The following ROBO3 variants were observed in gnomAD, a reference collection of about 807,000 sequenced individuals.
The protein encoded by ROBO3 is roundabout homolog 3.
Under a neutral mutation model 160.5 loss-of-function variants are expected in ROBO3, and 97 were observed. The observed-to-expected ratio is 0.60, with a 90% confidence interval of 0.51 to 0.72. ROBO3 has a LOEUF of 0.72. ROBO3 is among the 30% of genes least tolerant of loss of function. The pLI is 0.00. For synonymous variants in ROBO3, 780 were observed against 746.2 expected (o/e 1.05, Z -0.74); for missense variants, 1,858 against 1,846.5 (o/e 1.01, Z -0.11).
At position 124,873,730 on chromosome 11, in the gene ROBO3, A is replaced by G. The variant is rs2135330737; in HGVS notation, c.1652A>G (p.Glu551Gly). 2 of 1,613,730 alleles carry G rather than the reference A, an allele frequency of 1.2e-6. No individual in the cohort carries two copies. The highest frequency in any genetic ancestry group is 2.2e-5 in the East Asian group (1 of 44,874). ...DWGVSPDPPT[E>G]PSSPPGAPSQ... ...GGAGTATCACCAGACCCCCCTACAG[A>G]ACCCAGTTCCCCTCCGGGGGCTCCC... Residue 551 changes from glutamate (E) to glycine (G), a missense_variant, in exon 11 of 28, where the codon GAA becomes GGA. Coordinates refer to ENST00000397801, the MANE Select transcript of ROBO3 (RefSeq NM_022370.4). The surrounding 1 kb of genome is among the most constrained non-coding windows in gnomAD (Gnocchi z 4.5).
Position 124,876,300 on chromosome 11 carries a change from G to T in ROBO3, c.2619G>T (p.Gly873=). 6.9e-7 allele frequency: 1 copy of T among 1,459,398 alleles called. No homozygotes were observed. Among genetic ancestry groups the T allele is most frequent in the Non-Finnish European group, 8.9e-7 (1 of 1,118,534 alleles). The allele number at this position is 1,459,398 out of a possible 1,614,324, so 90.4% of individuals were successfully genotyped here. The change falls in exon 17 of 28, where the codon GGG becomes GGT. Residue 873 remains glycine, a synonymous_variant. Transcript: ENST00000397801. This position sits in a 1 kb window ranked among gnomAD's most constrained non-coding sequence, Gnocchi z 5.3. ...QLPSPPDLEP[G]LEVGAGLAVR... ...CGTCCCCGCCGGACCTGGAGCCCGG[G>T]CTGGAGGTGGGCGCGGGGCTGGCGG... is the stretch of plus-strand genomic sequence containing the variant.
Position 124,879,316 on chromosome 11 carries a change from C to G in ROBO3, c.3660C>G (p.Ala1220=), listed in dbSNP as rs775479669. 1 of 1,609,140 alleles carries G rather than the reference C, an allele frequency of 6.2e-7. No individual in the cohort carries two copies. Among genetic ancestry groups the G allele is most frequent in the Non-Finnish European group, 8.5e-7 (1 of 1,177,752 alleles). ...AASPHLSPSP[A]PSTASSAPGR... ...CACCCCACCTCAGCCCCAGTCCTGC[C>G]CCTAGCACAGCCAGCAGTGCCCCAG... Residue 1220 remains alanine (A), a synonymous_variant, in exon 24 of 28, where the codon GCC becomes GCG. Coordinates refer to ENST00000397801, the MANE Select transcript of ROBO3 (RefSeq NM_022370.4).
chr11:124,877,439 C>T, intron 19 of ROBO3, 80 bp from the exon 20 acceptor site: 3 of 1,595,288 alleles, frequency 1.9e-6, no homozygotes, highest in South Asian at 1.1e-5. Flanking sequence ...TGTCCTGAAA[C>T]TCCCGAATAT....
chr11:124,879,912 G>T lies in ROBO3; in HGVS notation c.3922G>T (p.Val1308Leu). The change falls in exon 26 of 28, where the codon GTG (valine) becomes TTG (leucine). Residue 1308 changes from valine to leucine, a missense_variant. Physicochemically the swap from Val to Leu is conservative, Grantham distance 32 (BLOSUM62 1). Coordinates refer to ENST00000397801, the MANE Select transcript of ROBO3 (RefSeq NM_022370.4). ...RSGERKAVQA[V>L]PLAAQRVLHP... ...TGGGGAGAGGAAAGCGGTCCAGGCCGTGCCCCTGGCAGCCCAGCGGGTGCT... is the reference window on the plus strand; with the variant it reads ...TGGGGAGAGGAAAGCGGTCCAGGCCTTGCCCCTGGCAGCCCAGCGGGTGCT... 1 of 1,603,488 alleles carries T rather than the reference G, an allele frequency of 6.2e-7. No individual in the cohort carries two copies. The highest frequency in any genetic ancestry group is 8.5e-7 in the Non-Finnish European group (1 of 1,175,544).
rs199543548 is a variant in ROBO3 at position 124,880,549 on chromosome 11, A to G, written c.4090A>G (p.Ser1364Gly). Residue 1364 changes from serine (S) to glycine (G), a missense_variant, in exon 27 of 28, where the codon AGC becomes GGC. Transcript: ENST00000397801. ...SSRGSRGPGR[S>G]RSRSQSRSQS... ...TAGGGGCTCCCGGGGCCCTGGCCGG[A>G]GCCGGAGTCGGAGTCAGAGCCGGAG... 6.5e-7 allele frequency: 1 copy of G among 1,528,252 alleles called. No homozygotes were observed. Among genetic ancestry groups the G allele is most frequent in the Non-Finnish European group, 8.7e-7 (1 of 1,143,540 alleles). 94.7% of individuals were successfully genotyped at this position (1,528,252 alleles called of 1,614,324 possible). A position where few individuals can be genotyped will look rare whatever the true frequency, so the allele number is the denominator to read the frequency against.
intron 15 of ROBO3, 50 bp downstream of exon 15, chr11:124,875,735 AG>A: frequency 6.4e-7 from 1 of 1,560,262 alleles, no homozygotes; most frequent in Non-Finnish European, 8.7e-7. Flanking sequence ...CGGGAGGGAG[AG>A]GGAGGACCTA....
chr11:124,870,996 C>T lies in ROBO3; in HGVS notation c.1034-18C>T. On this transcript the variant is annotated intron_variant, in intron 6 of 27. Transcript: ENST00000397801. Reference sequence around the variant, plus strand: ...TGCCTCTGACTACCTGTTCCTTTTTCTCACCTGCCCTTCCCAGTCCCACCC... The same window carrying T: ...TGCCTCTGACTACCTGTTCCTTTTTTTCACCTGCCCTTCCCAGTCCCACCC... 6.3e-7 allele frequency: 1 copy of T among 1,598,468 alleles called. No individual in the cohort carries two copies. The highest frequency in any genetic ancestry group is 8.6e-7 in the Non-Finnish European group (1 of 1,169,028).
chr11:124,871,928 T>C (rs1377578484), intron 7 of ROBO3, among the ~76,000 whole-genome samples: 2 of 152,216 alleles, frequency 1.3e-5, no homozygotes, highest in Non-Finnish European at 2.9e-5. Flanking sequence ...TGGTGCCCTT[T>C]GTCCTGAGAC....
chr11:124,875,032 G>T, intron 13 of ROBO3, 79 bp from the exon 14 acceptor site: 1 of 1,513,284 alleles, frequency 6.6e-7, no homozygotes, highest in Non-Finnish European at 8.9e-7. Context: ...AGTGGGAGGA[G>T]GGGCTGGGCC....
At chr11:124,879,745 A>AGGAGTG in intron 25 of ROBO3, 42 bp from the exon 26 acceptor site, 1 of 1,609,582 alleles carries the variant, frequency 6.2e-7, no homozygotes, top group Non-Finnish European at 8.5e-7. Flanking sequence ...GATTAGTGAC[A>AGGAGTG]GGAGTGGCAG....
Position 124,879,575 on chromosome 11 carries a change from G to A in ROBO3, c.3796G>A (p.Asp1266Asn). Residue 1266 changes from aspartate (D) to asparagine (N), a missense_variant and splice_region_variant, in exon 25 of 28, where the codon GAC (aspartate) becomes AAC (asparagine). Physicochemically the swap from Asp to Asn is conservative, Grantham distance 23. Coordinates refer to ENST00000397801, the MANE Select transcript of ROBO3 (RefSeq NM_022370.4). ...LPYRRENSPG[D>N]LPPPPLPPPE... ...CTACAGGAGGGAGAACAGTCCTGGG[G>A]GTGAGGGGGGATGCACCTGGGAGAT... The A allele has an allele frequency of 6.2e-7, 1 of 1,611,478 alleles. No homozygotes were observed. Among genetic ancestry groups the A allele is most frequent in the Non-Finnish European group, 8.5e-7 (1 of 1,178,150 alleles).
In ROBO3 at chr11:124,878,376, C is replaced by G; in HGVS notation, c.3260C>G (p.Pro1087Arg). ...CTGAACTGGCCAGAAGCCCTGCCCCCACCTCCTCCTTCTTGTGAACTGAGC... is the reference window on the plus strand; with the variant it reads ...CTGAACTGGCCAGAAGCCCTGCCCCGACCTCCTCCTTCTTGTGAACTGAGC... ...PSLNWPEALP[P>R]PPPSCELSCL... The change falls in exon 22 of 28, where the codon CCA (proline) becomes CGA (arginine). Residue 1087 changes from proline (P) to arginine (R), a missense_variant. Pro to Arg is a moderately radical substitution (Grantham distance 103). Transcript: ENST00000397801. This position sits in a 1 kb window ranked among gnomAD's most constrained non-coding sequence, Gnocchi z 4.3. 1 of 1,613,982 alleles carries G rather than the reference C, an allele frequency of 6.2e-7. No individual in the cohort carries two copies. Among genetic ancestry groups the G allele is most frequent in the Non-Finnish European group, 8.5e-7 (1 of 1,179,880 alleles).
At chr11:124,875,535 CCTT>C (rs1388970600) in intron 14 of ROBO3, 26 bp from the exon 15 acceptor site, 5 of 1,609,816 alleles carry the variant, frequency 3.1e-6, no homozygotes, top group Middle Eastern at 1.7e-4. Context: ...CTATTTGTGT[CCTT>C]CTCACCATGC....
chr11:124,872,791 T>C lies in ROBO3; in HGVS notation c.1331-93T>C. On this transcript the variant is annotated intron_variant, in intron 8 of 27. Transcript: ENST00000397801. The surrounding 1 kb of genome is among the most constrained non-coding windows in gnomAD (Gnocchi z 4.3). ...TCACCGGAAGTTTCAGGGGCTGGGGTAGGGAGGGTGAAGGAGCAGAGAATG... is the reference window on the plus strand; with the variant it reads ...TCACCGGAAGTTTCAGGGGCTGGGGCAGGGAGGGTGAAGGAGCAGAGAATG... 2 of 1,144,784 alleles carry C rather than the reference T, an allele frequency of 1.7e-6. No homozygotes were observed. Among genetic ancestry groups the C allele is most frequent in the East Asian group, 5.2e-5 (2 of 38,712 alleles). 70.9% of individuals were successfully genotyped at this position (1,144,784 alleles called of 1,614,324 possible). A position where few individuals can be genotyped will look rare whatever the true frequency, so the allele number is the denominator to read the frequency against.
At position 124,865,702 on chromosome 11, in the gene ROBO3, A is replaced by C; in HGVS notation, c.125A>C (p.His42Pro). 1 of 1,610,886 alleles carries C rather than the reference A, an allele frequency of 6.2e-7. No individual in the cohort carries two copies. ...AACTCCTCGCTGGCGGCGCTCAACC[A>C]CACCCTGCTGCCTCCCGGCGATCCC... Reference protein sequence around the residue: ...GFNSSLAALNHTLLPPGDPSL... With the variant: ...GFNSSLAALNPTLLPPGDPSL... The change falls in exon 1 of 28, where the codon CAC becomes CCC. Residue 42 changes from histidine (H) to proline (P), a missense_variant. Transcript: ENST00000397801. This position sits in a 1 kb window ranked among gnomAD's most constrained non-coding sequence, Gnocchi z 5.5.
rs561828976 is a variant in ROBO3, at chr11:124,871,250, C to T, written c.1158+112C>T. ...GGGCTTCTGTTTTATCTTTGGGAGC[C>T]CCCAGAAACCCTTGCAGGTTATTTG... On this transcript the variant is annotated intron_variant, in intron 7 of 27. Transcript: ENST00000397801. 6 of 1,286,960 alleles carry T rather than the reference C, an allele frequency of 4.7e-6. No homozygotes were observed. The Admixed American group carries it at 1.3e-4, about 28-fold the overall frequency. The allele number at this position is 1,286,960 out of a possible 1,614,324, so 79.7% of individuals were successfully genotyped here. A position where few individuals can be genotyped will look rare whatever the true frequency, so the allele number is the denominator to read the frequency against.
In ROBO3 at chr11:124,869,220, G is replaced by C. The variant is rs1321117733; in HGVS notation, c.487+92G>C. On this transcript the variant is annotated intron_variant, in intron 2 of 27. Transcript: ENST00000397801. The surrounding 1 kb of genome is among the most constrained non-coding windows in gnomAD (Gnocchi z 4.2). ...ATCAGACCCAGAACCAGCCCCAAAG[G>C]ACTTCAGCCCACTCAGCATCCTTCT... 1 of 1,351,484 alleles carries C rather than the reference G, an allele frequency of 7.4e-7. No individual in the cohort carries two copies. Among genetic ancestry groups the C allele is most frequent in the African/African-American group, 1.4e-5 (1 of 68,970 alleles). The allele number at this position is 1,351,484 out of a possible 1,614,324, so 83.7% of individuals were successfully genotyped here. A position where few individuals can be genotyped will look rare whatever the true frequency, so the allele number is the denominator to read the frequency against.
chr11:124,878,279 C>T lies in ROBO3; in HGVS notation c.3182-19C>T, dbSNP rs1474911508. The T allele has an allele frequency of 3.1e-6, 5 of 1,611,274 alleles. No individual in the cohort carries two copies. The highest frequency in any genetic ancestry group is 2.2e-5 in the East Asian group (1 of 44,792). ...CTTTCCTGCCTGTTCTCCGGGTGTC[C>T]CCATCCTATTCTCCTCAGGAGCCAA... On this transcript the variant is annotated intron_variant, in intron 21 of 27. Coordinates refer to ENST00000397801, the MANE Select transcript of ROBO3 (RefSeq NM_022370.4). The surrounding 1 kb of genome is among the most constrained non-coding windows in gnomAD (Gnocchi z 4.3).
intron 1 of ROBO3, among the ~76,000 whole-genome samples, chr11:124,866,990 T>G (rs181330903): frequency 1.3e-5 from 2 of 152,254 alleles, no homozygotes; most frequent in Admixed American, 1.3e-4. Flanking sequence ...CACCATACTT[T>G]GTCTCATCTA....
Sources: allele counts gnomAD v4.1 joint callset (sites outside exome capture counted in the v4.1 genomes callset), GRCh38; gene constraint gnomAD v4.1.1; non-coding constraint Gnocchi (gnomAD v3.1); transcripts MANE v1.5; gene names NCBI Gene and HGNC (gene_info 2026-07-23, HGNC 2026-07-21).